Variants in MAP3K7CL observed in about 807,000 individuals in gnomAD.
The protein encoded by MAP3K7CL is MAP3K7 C-terminal like.
MAP3K7CL carries 16 observed loss-of-function variants against 18.6 expected under a neutral mutation model. The observed-to-expected ratio is 0.86, with a 90% CI of 0.58 to 1.31. The LOEUF (loss-of-function observed/expected upper bound fraction) is 1.31, where lower values mean the gene tolerates loss of function less well. Ranked by LOEUF, MAP3K7CL falls within the 50% of genes most tolerant of loss-of-function variation. The pLI is 0.00. For missense variants in MAP3K7CL, 163 were observed against 174.4 expected (o/e 0.93, Z 0.37); for synonymous variants, 65 against 66.8 (o/e 0.97, Z 0.13).
At chr21:29,118,693 G>C (rs1031925757) in intron 4 of MAP3K7CL, among the ~76,000 whole-genome samples, 3 of 152,210 alleles carry the variant, frequency 2.0e-5, no homozygotes, top group Non-Finnish European at 4.4e-5. Flanking sequence ...AGAGAAGTTC[G>C]GTGTGACCCC....
chr21:29,125,842 A>G (rs979180766), upstream of MAP3K7CL, among the ~76,000 whole-genome samples: 1 of 152,216 alleles, frequency 6.6e-6, no homozygotes, highest in African/African-American at 2.4e-5. Context: ...GAGCAATGGC[A>G]CAAGACCAGC....
chr21:29,112,222 C>T (rs2086431554), intron 4 of MAP3K7CL, among the ~76,000 whole-genome samples: 1 of 152,106 alleles, frequency 6.6e-6, no homozygotes, highest in South Asian at 2.1e-4. Context: ...CGCTTGAACC[C>T]AGGAGGCAGA....
At chr21:29,100,114 TCTC>T (rs2086200024) in intron 4 of MAP3K7CL, among the ~76,000 whole-genome samples, 1 of 145,858 alleles carries the variant, frequency 6.9e-6, no homozygotes, top group African/African-American at 2.5e-5. Flanking sequence ...AGGAAATGGA[TCTC>T]CTCCTCCCAC....
chr21:29,082,930 A>T (rs1303554701), upstream of MAP3K7CL, among the ~76,000 whole-genome samples: 5 of 151,268 alleles, frequency 3.3e-5, no homozygotes. Context: ...TTGATGTTTC[A>T]CTGAGCTTTT....
chr21:29,096,898 G>C (rs746348434), intron 4 of MAP3K7CL, among the ~76,000 whole-genome samples: 2 of 152,176 alleles, frequency 1.3e-5, no homozygotes, highest in Non-Finnish European at 2.9e-5. Context: ...AAATGACAGA[G>C]TATGATTACA....
chr21:29,130,984 C>G, intron 1 of MAP3K7CL, 61 bp downstream of exon 1: 2 of 932,156 alleles, frequency 2.1e-6, no homozygotes, highest in South Asian at 4.9e-5. Flanking sequence ...TTAACCAAAG[C>G]TCTGTTACAG....
chr21:29,159,701 C>T (rs1218603497), intron 3 of MAP3K7CL, among the ~76,000 whole-genome samples: 1 of 152,056 alleles, frequency 6.6e-6, no homozygotes, highest in Non-Finnish European at 1.5e-5. Flanking sequence ...CTGGCTCAGG[C>T]CTGAGATGCC....
At chr21:29,125,510 T>C (rs2086666705) in intron 4 of MAP3K7CL, among the ~76,000 whole-genome samples, 2 of 152,192 alleles carry the variant, frequency 1.3e-5, no homozygotes, top group African/African-American at 4.8e-5. Context: ...AAGTGAACTT[T>C]GATTAGGAAA....
chr21:29,170,223 T>C (rs2087790846), intron 4 of MAP3K7CL, among the ~76,000 whole-genome samples: 1 of 152,236 alleles, frequency 6.6e-6, no homozygotes, highest in South Asian at 2.1e-4. Context: ...ACAGTTTTCA[T>C]TGGATGTCTG....
chr21:29,079,908 G>A (rs922428950), intron 1 of MAP3K7CL, among the ~76,000 whole-genome samples: 4 of 152,222 alleles, frequency 2.6e-5, no homozygotes, highest in Non-Finnish European at 5.9e-5. Context: ...CTGGATGAAA[G>A]TGATTGATTC....
At chr21:29,157,461 G>A (rs1227254922) in intron 3 of MAP3K7CL, among the ~76,000 whole-genome samples, 2 of 152,172 alleles carry the variant, frequency 1.3e-5, no homozygotes, top group African/African-American at 4.8e-5. Context: ...TAGTTTTTAG[G>A]ATCCAGAGGC....
chr21:29,098,640 C>T (rs991399744), intron 4 of MAP3K7CL, among the ~76,000 whole-genome samples: 6 of 152,070 alleles, frequency 3.9e-5, no homozygotes, highest in South Asian at 2.1e-4. Context: ...TTTGCAAAGG[C>T]GGAAATTAGG....
chr21:29,099,395 G>A, intron 4 of MAP3K7CL, among the ~76,000 whole-genome samples: 1 of 150,332 alleles, frequency 6.7e-6, no homozygotes, highest in African/African-American at 2.5e-5. Flanking sequence ...ATGAGCCACT[G>A]CGCCCAGCTA....
chr21:29,102,089 G>C (rs1047989685), intron 4 of MAP3K7CL, among the ~76,000 whole-genome samples: 4 of 152,142 alleles, frequency 2.6e-5, no homozygotes, highest in African/African-American at 9.7e-5. Context: ...ACATCCCAGG[G>C]GCACTGCTGG....
At chr21:29,165,515 A>G (rs2471949) in intron 4 of MAP3K7CL, among the ~76,000 whole-genome samples, 134,743 of 152,184 alleles carry the variant, frequency 0.89, 60,016 homozygotes, top group African/African-American at 0.97. Context: ...CCCAAAGTCC[A>G]TTGTATTATC....
At chr21:29,109,133 T>C (rs2086375347) in intron 4 of MAP3K7CL, 1 of 1,535,416 alleles carries the variant, frequency 6.5e-7, no homozygotes, top group Non-Finnish European at 8.7e-7. Flanking sequence ...TGACTGAAGA[T>C]GCTTGTTTCT....
chr21:29,110,712 T>G (rs2086404045), intron 4 of MAP3K7CL, among the ~76,000 whole-genome samples: 1 of 152,168 alleles, frequency 6.6e-6, no homozygotes, highest in Non-Finnish European at 1.5e-5. Context: ...CTGTACCTTT[T>G]TGTTCTATTT....
chr21:29,117,388 T>A (rs1431520766), intron 4 of MAP3K7CL, among the ~76,000 whole-genome samples: 1 of 152,254 alleles, frequency 6.6e-6, no homozygotes. Context: ...ATACTGTAAT[T>A]CTTAAAATGT....
At chr21:29,156,545 G>T (rs572320226) in intron 3 of MAP3K7CL, among the ~76,000 whole-genome samples, 1 of 152,228 alleles carries the variant, frequency 6.6e-6, no homozygotes, top group East Asian at 1.9e-4. Flanking sequence ...GATTAATACT[G>T]TTGGCCATAT....
Sources: gnomAD v4.1 joint callset for allele counts (sites outside exome capture counted in the v4.1 genomes callset) on GRCh38, gnomAD v4.1.1 for gene constraint, MANE v1.5 for transcripts, NCBI Gene and HGNC (gene_info 2026-07-23, HGNC 2026-07-21) for gene names.